The following LRRIQ3 variants were observed in gnomAD, a reference collection of about 807,000 sequenced individuals.
The protein encoded by LRRIQ3 is leucine-rich repeat and IQ domain-containing protein 3.
In LRRIQ3, 75 loss-of-function variants were observed where a neutral mutation model predicts 59.3. The ratio of observed to expected loss-of-function variants is 1.26; its 90% CI spans 1.05 to 1.53. The LOEUF (loss-of-function observed/expected upper bound fraction) is 1.53, where lower values mean the gene tolerates loss of function less well. Ranked by LOEUF, LRRIQ3 falls within the 40% of genes most tolerant of loss-of-function variation. The probability of loss-of-function intolerance (pLI) is 0.00; values close to 1 mark genes in which losing one functional copy is unlikely to be tolerated. For synonymous variants in LRRIQ3, 250 were observed against 231.3 expected, an observed-to-expected ratio of 1.08 and a Z score of -0.73; for missense variants, 831 against 710.0, an observed-to-expected ratio of 1.17 and a Z score of -1.94.
In LRRIQ3 at chr1:74,126,109, A is replaced by AT. The variant is rs1283093480; in HGVS notation, c.708-16557dup. On this transcript the variant is annotated intron_variant, in intron 4 of 7. Coordinates refer to ENST00000354431, the MANE Select transcript of LRRIQ3 (RefSeq NM_001105659.2). Reference sequence around the variant, plus strand: ...GTTGTATGTGTATAAGGATTTATTCATTTTTTCTAGGTTTTCCAATTTATT... The same window carrying AT: ...GTTGTATGTGTATAAGGATTTATTCATTTTTTTCTAGGTTTTCCAATTTATT... 4.6e-5 allele frequency among the ~76,000 whole-genome samples: 7 copies of AT among 151,656 alleles called. No individual in the cohort carries two copies. The East Asian group carries it at 5.8e-4, about 13-fold the overall frequency.
chr1:74,194,217 A>G (rs895248066), intron 1 of LRRIQ3, among the ~76,000 whole-genome samples: 5 of 152,146 alleles, frequency 3.3e-5, no homozygotes, highest in Non-Finnish European at 2.9e-5. Flanking sequence ...TCTAAAAATA[A>G]AAATCCTGTC....
intron 5 of LRRIQ3, among the ~76,000 whole-genome samples, chr1:74,077,834 A>G (rs2100487910): frequency 6.6e-6 from 1 of 152,130 alleles, no homozygotes; most frequent in East Asian, 1.9e-4. Flanking sequence ...GAAGGGAAAG[A>G]GAATGTGTGC....
At chr1:74,066,917 T>A (rs994431633) in intron 6 of LRRIQ3, among the ~76,000 whole-genome samples, 12 of 152,168 alleles carry the variant, frequency 7.9e-5, no homozygotes, top group Non-Finnish European at 1.5e-4. Context: ...ATAAAGAGAA[T>A]GGTATGCTTA....
intron 5 of LRRIQ3, among the ~76,000 whole-genome samples, chr1:74,078,329 T>G (rs1258976523): frequency 6.6e-6 from 1 of 151,716 alleles, no homozygotes; most frequent in African/African-American, 2.4e-5. Context: ...AAGTAAAATA[T>G]AAAAGAAATG....
At chr1:74,091,724 G>A (rs917273631) in intron 5 of LRRIQ3, among the ~76,000 whole-genome samples, 2 of 151,882 alleles carry the variant, frequency 1.3e-5, no homozygotes, top group Admixed American at 6.6e-5. Flanking sequence ...ACTGTCTCAG[G>A]CAAATAAATG....
Position 74,041,952 on chromosome 1 carries a change from A to G in LRRIQ3, c.998-19T>C, listed in dbSNP as rs779974663. 3 of 1,560,294 alleles carry G rather than the reference A, an allele frequency of 1.9e-6. No individual in the cohort carries two copies. The highest frequency in any genetic ancestry group is 1.9e-5 in the Admixed American group (1 of 53,436). ...TCCTGACCTACATCAAACAGAAGCAAATATTATACATTATACAAGAGCTAA... is the reference window on the plus strand; with the variant it reads ...TCCTGACCTACATCAAACAGAAGCAGATATTATACATTATACAAGAGCTAA... On this transcript the variant is annotated intron_variant, in intron 6 of 7. Coordinates refer to ENST00000354431, the MANE Select transcript of LRRIQ3 (RefSeq NM_001105659.2).
Position 74,198,036 on chromosome 1 carries a change from G to A in LRRIQ3, c.-41C>T. The A allele has an allele frequency of 1.3e-6, 1 of 751,634 alleles. No homozygotes were observed. The highest frequency in any genetic ancestry group is 2.4e-5 in the South Asian group (1 of 41,862). 46.6% of individuals were successfully genotyped at this position (751,634 alleles called of 1,614,324 possible). ...GCAAGCCCTTATGAGTTGGAGACAA[G>A]TGGCCCAGCCCCAACACAGTCAGAC... On this transcript the variant is annotated 5_prime_UTR_variant, in exon 1 of 8. Coordinates refer to ENST00000354431, the MANE Select transcript of LRRIQ3 (RefSeq NM_001105659.2).
chr1:74,116,722 G>T (rs766348349), intron 4 of LRRIQ3, among the ~76,000 whole-genome samples: 2 of 151,980 alleles, frequency 1.3e-5, no homozygotes, highest in Non-Finnish European at 2.9e-5. Flanking sequence ...CATATGTTTA[G>T]AATGCTTTAA....
intron 4 of LRRIQ3, among the ~76,000 whole-genome samples, chr1:74,121,168 C>T (rs1162719459): frequency 6.6e-6 from 1 of 152,050 alleles, no homozygotes; most frequent in African/African-American, 2.4e-5. Flanking sequence ...GTGTCTTTGT[C>T]AATGTTCATT....
At chr1:74,088,852 A>C (rs2100512414) in intron 5 of LRRIQ3, among the ~76,000 whole-genome samples, 1 of 152,216 alleles carries the variant, frequency 6.6e-6, no homozygotes, top group African/African-American at 2.4e-5. Flanking sequence ...TGGGATTTAA[A>C]GAATACCATT....
chr1:74,031,087 G>A (rs139723888), intron 7 of LRRIQ3, among the ~76,000 whole-genome samples: 2,181 of 152,220 alleles, frequency 0.014, 53 homozygotes, highest in African/African-American at 0.05. Context: ...AGTTAGAATG[G>A]CGATCATTAA....
chr1:74,161,727 C>A (rs550897430), intron 3 of LRRIQ3, among the ~76,000 whole-genome samples: 8 of 151,836 alleles, frequency 5.3e-5, no homozygotes, highest in Admixed American at 5.3e-4. Flanking sequence ...AATTCCTTCT[C>A]ATTAAAGAAA....
intron 5 of LRRIQ3, among the ~76,000 whole-genome samples, chr1:74,104,256 T>C (rs1425739758): frequency 6.6e-6 from 1 of 152,016 alleles, no homozygotes; most frequent in Non-Finnish European, 1.5e-5. Context: ...GGAACTCTTA[T>C]TCATTGCTGA....
At chr1:74,138,474 C>A in intron 4 of LRRIQ3, 5 of 984,676 alleles carry the variant, frequency 5.1e-6, no homozygotes, top group Non-Finnish European at 6.0e-6. Flanking sequence ...GGGTCTGACC[C>A]AGAGTTCAGC....
chr1:74,084,358 T>G (rs909011668), intron 5 of LRRIQ3: 2 of 723,190 alleles, frequency 2.8e-6, no homozygotes, highest in Non-Finnish European at 2.2e-6. Flanking sequence ...TAGGTGCTCA[T>G]GAATTCTAAT....
intron 7 of LRRIQ3, among the ~76,000 whole-genome samples, chr1:74,032,549 C>G (rs549430688): frequency 6.6e-6 from 1 of 152,186 alleles, no homozygotes; most frequent in East Asian, 1.9e-4. Flanking sequence ...ATTTTTAAGT[C>G]AGCAATATCA....
chr1:74,131,458 T>C (rs941334247), intron 4 of LRRIQ3, among the ~76,000 whole-genome samples: 1 of 152,078 alleles, frequency 6.6e-6, no homozygotes. Flanking sequence ...CTGATGAACA[T>C]CAATGCAAAA....
intron 6 of LRRIQ3, among the ~76,000 whole-genome samples, chr1:74,063,058 C>CGAAAG (rs1384217377): frequency 4.9e-5 from 3 of 61,748 alleles, no homozygotes; most frequent in Admixed American, 4.3e-4. Flanking sequence ...ACAACCACTA[C>CGAAAG]CAAAGCAAAA....
chr1:74,147,292 C>G (rs981824632), intron 4 of LRRIQ3, among the ~76,000 whole-genome samples: 4 of 152,144 alleles, frequency 2.6e-5, no homozygotes, highest in Admixed American at 1.3e-4. Flanking sequence ...TACACTTAAT[C>G]TCTAAAATTT....
Sources: allele counts gnomAD v4.1 joint callset (sites outside exome capture counted in the v4.1 genomes callset), GRCh38; gene constraint gnomAD v4.1.1; transcripts MANE v1.5; gene names NCBI Gene and HGNC (gene_info 2026-07-23, HGNC 2026-07-21).